NAV2: variants seen among roughly 807,000 people sequenced by gnomAD.
NAV2 encodes neuron navigator 2, also known as helicase, APC down-regulated 1.
Under a neutral mutation model 223.2 loss-of-function variants are expected in NAV2, and 54 were observed. That is an observed-to-expected ratio of 0.24 (90% CI 0.19 to 0.30). The LOEUF (loss-of-function observed/expected upper bound fraction) is 0.30, where lower values mean the gene tolerates loss of function less well. Among genes scored for constraint, NAV2 ranks in the 10% least tolerant of loss-of-function variants. The probability of loss-of-function intolerance (pLI) is 1.00; values close to 1 mark genes in which losing one functional copy is unlikely to be tolerated. For synonymous variants in NAV2, 1,279 were observed against 1,239.3 expected, an observed-to-expected ratio of 1.03 and a Z score of -0.67; for missense variants, 2,806 against 3,147.5, an observed-to-expected ratio of 0.89 and a Z score of 2.60.
intron 1 of NAV2, among the ~76,000 whole-genome samples, chr11:19,683,934 A>G (rs144218550): frequency 5.9e-5 from 9 of 152,380 alleles, no homozygotes; most frequent in Admixed American, 5.9e-4. Context: ...TTGCATTAAA[A>G]TATCTTTTCT....
At chr11:19,647,090 A>G (rs2047837449) in intron 1 of NAV2, among the ~76,000 whole-genome samples, 1 of 152,132 alleles carries the variant, frequency 6.6e-6, no homozygotes, top group African/African-American at 2.4e-5. Context: ...AGCTGCTAGA[A>G]CTTGCAATCC....
intron 1 of NAV2, among the ~76,000 whole-genome samples, chr11:19,447,805 C>T (rs1851641276): frequency 6.6e-6 from 1 of 152,120 alleles, no homozygotes; most frequent in South Asian, 2.1e-4. Context: ...CTGCTTCTGT[C>T]TTCCTTAGCC....
At chr11:19,389,661 G>A (rs906812787) in intron 1 of NAV2, among the ~76,000 whole-genome samples, 3 of 152,200 alleles carry the variant, frequency 2.0e-5, no homozygotes, top group Admixed American at 6.5e-5. Flanking sequence ...TTGTGTGAAT[G>A]GTCGGTGCAG....
chr11:19,949,929 A>G (rs1278383506), intron 10 of NAV2, among the ~76,000 whole-genome samples: 1 of 152,192 alleles, frequency 6.6e-6, no homozygotes, highest in East Asian at 1.9e-4. Flanking sequence ...TCATATATGA[A>G]GTGAAGGGGA....
intron 1 of NAV2, among the ~76,000 whole-genome samples, chr11:19,559,803 A>G (rs77721344): frequency 0.056 from 8,566 of 152,062 alleles, 807 homozygotes; most frequent in African/African-American, 0.2. Flanking sequence ...AGCTTCTGGC[A>G]CTCTCCCTTT....
chr11:20,081,782 C>A (rs2060107627), intron 25 of NAV2, among the ~76,000 whole-genome samples: 1 of 151,872 alleles, frequency 6.6e-6, no homozygotes, highest in Admixed American at 6.6e-5. Flanking sequence ...CTAAGAAAAC[C>A]CCTGGAACGT....
At chr11:19,583,696 G>A (rs183645751) in intron 1 of NAV2, among the ~76,000 whole-genome samples, 6 of 152,330 alleles carry the variant, frequency 3.9e-5, no homozygotes, top group African/African-American at 1.2e-4. Context: ...ATTTGCGTAT[G>A]TGGAACCAGC....
chr11:19,623,664 G>A (rs949537535), intron 1 of NAV2, among the ~76,000 whole-genome samples: 14 of 152,078 alleles, frequency 9.2e-5, no homozygotes, highest in South Asian at 2.1e-4. Flanking sequence ...TTAGCCATTC[G>A]TCTAATCTTT....
Position 19,485,984 on chromosome 11 carries a change from G to A in NAV2, c.75+134957G>A, listed in dbSNP as rs144006089. Among the ~76,000 whole-genome samples the A allele has an allele frequency of 1.4e-3, 207 of 152,240 alleles. 1 individual carries two copies. The highest frequency in any genetic ancestry group is 2.3e-3 in the Non-Finnish European group (157 of 68,018). On this transcript the variant is annotated intron_variant, in intron 1 of 37. Transcript: ENST00000360655. ...TGAATGCAAGAGCCTCCTCCACCATGCACCCTCCACCTGATGCCAGCAGAC... is the reference window on the plus strand; with the variant it reads ...TGAATGCAAGAGCCTCCTCCACCATACACCCTCCACCTGATGCCAGCAGAC...
At chr11:19,581,468 C>T (rs1296233754) in intron 1 of NAV2, among the ~76,000 whole-genome samples, 1 of 152,120 alleles carries the variant, frequency 6.6e-6, no homozygotes, top group African/African-American at 2.4e-5. Flanking sequence ...GTGCTGCACC[C>T]GTTAACTCGT....
At chr11:19,915,074 CAG>C (rs2043684754) in intron 6 of NAV2, among the ~76,000 whole-genome samples, 1 of 152,200 alleles carries the variant, frequency 6.6e-6, no homozygotes, top group Non-Finnish European at 1.5e-5. Context: ...TTGTCTTCCA[CAG>C]TTGGAGTAGC....
In NAV2 at chr11:19,757,275, T is replaced by C. The variant is rs553283259; in HGVS notation, c.267+43313T>C. On this transcript the variant is annotated intron_variant, in intron 1 of 37. Transcript: ENST00000349880. ...TGACTGTCCTATAAGGGAGCGGGCTTGAGAGTAACACAGTTGGCCTCAACG... is the reference window on the plus strand; with the variant it reads ...TGACTGTCCTATAAGGGAGCGGGCTCGAGAGTAACACAGTTGGCCTCAACG... Among the ~76,000 whole-genome samples the C allele has an allele frequency of 3.9e-5, 6 of 152,220 alleles. No individual in the cohort carries two copies. The East Asian group carries it at 1.2e-3, about 29-fold the overall frequency.
chr11:19,445,583 A>C (rs1049191759), intron 1 of NAV2, among the ~76,000 whole-genome samples: 8 of 152,048 alleles, frequency 5.3e-5, no homozygotes, highest in African/African-American at 1.9e-4. Flanking sequence ...CTGGGTAGGG[A>C]CTCTGGTCTC....
At position 20,106,155 on chromosome 11, in the gene NAV2, G is replaced by GTATA. The variant is rs1554968868; in HGVS notation, c.6841+446_6841+449dup. Among the ~76,000 whole-genome samples the GTATA allele has an allele frequency of 8.1e-3, 255 of 31,484 alleles. 10 individuals are homozygous for GTATA. The highest frequency in any genetic ancestry group is 0.038 in the Middle Eastern group (1 of 26). The allele number at this position is 31,484 out of a possible 152,430, so 20.7% of individuals were successfully genotyped here. On this transcript the variant is annotated intron_variant, in intron 35 of 37. Coordinates refer to ENST00000349880, the MANE Select transcript of NAV2 (RefSeq NM_145117.5). ...TGTCCTTGTTCATATGTGTGTGTGT[G>GTATA]TATATATATATATATATATATGTGT... is the stretch of plus-strand genomic sequence containing the variant.
chr11:19,755,369 T>C (rs1487942940), intron 1 of NAV2, among the ~76,000 whole-genome samples: 14 of 152,212 alleles, frequency 9.2e-5, no homozygotes. Context: ...ATGCATGGAC[T>C]GTGAGGAAGG....
At chr11:19,551,833 C>T (rs1027371332) in intron 1 of NAV2, among the ~76,000 whole-genome samples, 18 of 152,154 alleles carry the variant, frequency 1.2e-4, no homozygotes, top group Non-Finnish European at 2.6e-4. Context: ...TATTTGCCTT[C>T]CTTTTCCTAG....
At chr11:20,092,516 T>A in intron 28 of NAV2, 148 bp downstream of exon 28, 1 of 763,932 alleles carries the variant, frequency 1.3e-6, no homozygotes, top group Non-Finnish European at 2.1e-6. Flanking sequence ...TGTCTGGGTG[T>A]GAGTCTGCTA....
At chr11:19,895,052 A>G (rs889271788) in intron 6 of NAV2, among the ~76,000 whole-genome samples, 5 of 149,624 alleles carry the variant, frequency 3.3e-5, no homozygotes, top group Non-Finnish European at 5.9e-5. Flanking sequence ...TATTAAGTGC[A>G]TATTATATGC....
chr11:19,467,797 G>A (rs1197185078), intron 1 of NAV2, among the ~76,000 whole-genome samples: 1 of 152,236 alleles, frequency 6.6e-6, no homozygotes, highest in African/African-American at 2.4e-5. Flanking sequence ...GACAAGAGCT[G>A]CAGAAGATCT....
Sources: gnomAD v4.1 joint callset for allele counts (sites outside exome capture counted in the v4.1 genomes callset) on GRCh38, gnomAD v4.1.1 for gene constraint, MANE v1.5 for transcripts, NCBI Gene and HGNC (gene_info 2026-07-23, HGNC 2026-07-21) for gene names.